ITPR3: variants seen among roughly 807,000 people sequenced by gnomAD.
ITPR3 encodes the protein inositol 1,4,5-trisphosphate receptor type 3.
ITPR3 carries 173 observed loss-of-function variants against 293.2 expected under a neutral mutation model. That is an observed-to-expected ratio of 0.59 (90% CI 0.52 to 0.67). The LOEUF (loss-of-function observed/expected upper bound fraction) is 0.67, where lower values mean the gene tolerates loss of function less well. Ranked by LOEUF, ITPR3 falls within the 30% of genes least tolerant of loss-of-function variation. The pLI is 0.00. For synonymous variants in ITPR3, 1,295 were observed against 1,444.4 expected (o/e 0.90, Z 2.35); for missense variants, 2,796 against 3,592.1 (o/e 0.78, Z 5.66).
In ITPR3 at chr6:33,638,474, C is replaced by T. The variant is rs1763875024; in HGVS notation, c.90-2010C>T. 6.6e-6 allele frequency among the ~76,000 whole-genome samples: 1 copy of T among 152,166 alleles called. No homozygotes were observed. The highest frequency in any genetic ancestry group is 2.4e-5 in the African/African-American group (1 of 41,434). On this transcript the variant is annotated intron_variant, in intron 1 of 57. Coordinates refer to ENST00000605930, the MANE Select transcript of ITPR3 (RefSeq NM_002224.4). The surrounding 1 kb of genome is among the most constrained non-coding windows in gnomAD (Gnocchi z 4.3). ...CTCAGGGGCTTTCCAAAAGTCACCT[C>T]ATTAACATAAAACCAGGTGTGGTTG...
chr6:33,639,358 G>T (rs1287480935), intron 1 of ITPR3, among the ~76,000 whole-genome samples: 2 of 138,692 alleles, frequency 1.4e-5, no homozygotes, highest in Non-Finnish European at 3.0e-5. Flanking sequence ...CAGTCTGGTC[G>T]ACAGAGTGAA....
At position 33,668,610 on chromosome 6, in the gene ITPR3, A is replaced by T. The variant is rs766318905; in HGVS notation, c.1982A>T (p.Asn661Ile). 4 of 1,614,094 alleles carry T rather than the reference A, an allele frequency of 2.5e-6. No homozygotes were observed. The highest frequency in any genetic ancestry group is 3.4e-6 in the Non-Finnish European group (4 of 1,180,042). Residue 661 changes from asparagine to isoleucine, a missense_variant, in exon 17 of 58, where the codon AAC (asparagine) becomes ATC (isoleucine). Physicochemically the swap from Asn to Ile is moderately radical, Grantham distance 149. Around this residue, in one of 8 missense-constraint regions of ITPR3, gnomAD observed 955 missense variants for 1,180.8 expected, o/e 0.81. Coordinates refer to ENST00000605930, the MANE Select transcript of ITPR3 (RefSeq NM_002224.4). ...TGCAAGTGTGTGCTGGACCCCAAGA[A>T]CAGTGACATTCTCATCCGGACCGAG... ...LICKCVLDPK[N>I]SDILIRTELR...
In ITPR3 at chr6:33,658,737, A is replaced by G; in HGVS notation, c.437A>G (p.Asn146Ser). 5 of 1,614,192 alleles carry G rather than the reference A, an allele frequency of 3.1e-6. No homozygotes were observed. The highest frequency in any genetic ancestry group is 4.2e-6 in the Non-Finnish European group (5 of 1,180,022). ...CGGCTTCCGGCCTTGCTGGAGAAGA[A>G]CGCCATGCGGGTGACTCTGGATGCC... ...NKRLPALLEKNAMRVTLDATG... is the reference protein window; with the variant it reads ...NKRLPALLEKSAMRVTLDATG... The change falls in exon 5 of 58, where the codon AAC becomes AGC. Residue 146 changes from asparagine to serine, a missense_variant. This residue lies in a region of ITPR3 where 144 missense variants were observed against 230.8 expected (regional missense o/e 0.62). Transcript: ENST00000605930. This position sits in a 1 kb window ranked among gnomAD's most constrained non-coding sequence, Gnocchi z 6.1.
intron 1 of ITPR3, among the ~76,000 whole-genome samples, chr6:33,631,332 T>G (rs779255720): frequency 1.1e-4 from 16 of 152,252 alleles, no homozygotes; most frequent in Non-Finnish European, 2.4e-4. Context: ...CACTGATATT[T>G]ATTGCATACA....
intron 9 of ITPR3, 66 bp downstream of exon 9, chr6:33,663,072 T>C (rs1764517148): frequency 2.2e-6 from 3 of 1,337,088 alleles, no homozygotes; most frequent in South Asian, 1.3e-5. Context: ...TGCGGGAACA[T>C]GTGTGCACAT....
In ITPR3 at chr6:33,621,550, G is replaced by A. The variant is rs1763436440; in HGVS notation, c.-53G>A. On this transcript the variant is annotated 5_prime_UTR_variant, in exon 1 of 58. Transcript: ENST00000605930. This position sits in a 1 kb window ranked among gnomAD's most constrained non-coding sequence, Gnocchi z 7.7. ...CGCCTCAGTCCTCCGCACTGAGCTT[G>A]GCCACGCGCCCCTAGGCGCCCCCCA... 5.1e-6 allele frequency: 7 copies of A among 1,376,530 alleles called. No individual in the cohort carries two copies. The highest frequency in any genetic ancestry group is 2.0e-6 in the Non-Finnish European group (2 of 986,476). The allele number at this position is 1,376,530 out of a possible 1,614,324, so 85.3% of individuals were successfully genotyped here.
rs970292259 is a variant in ITPR3, at chr6:33,624,759, C to T, written c.89+3068C>T. On this transcript the variant is annotated intron_variant, in intron 1 of 57. Transcript: ENST00000605930. This position sits in a 1 kb window ranked among gnomAD's most constrained non-coding sequence, Gnocchi z 4.7. ...TGGATAAAAATGAATGTGTTGAAGGCAGGGGTGGCCTTGGTGGGCAGATGG... is the reference window on the plus strand; with the variant it reads ...TGGATAAAAATGAATGTGTTGAAGGTAGGGGTGGCCTTGGTGGGCAGATGG... Among the ~76,000 whole-genome samples, 1 of 152,152 alleles carries T rather than the reference C, an allele frequency of 6.6e-6. No homozygotes were observed. The highest frequency in any genetic ancestry group is 1.5e-5 in the Non-Finnish European group (1 of 68,036).
intron 46 of ITPR3, 32 bp from the exon 47 acceptor site, chr6:33,688,025 G>A: frequency 1.3e-6 from 2 of 1,566,914 alleles, no homozygotes; most frequent in Non-Finnish European, 1.7e-6. Context: ...GTGGAGGCTG[G>A]GGCCTGACCT....
intron 2 of ITPR3, among the ~76,000 whole-genome samples, chr6:33,649,924 T>G (rs1012489874): frequency 1.3e-5 from 2 of 152,164 alleles, no homozygotes; most frequent in Non-Finnish European, 2.9e-5. Flanking sequence ...GCATTTGGAG[T>G]GGTAGGCACC....
Position 33,624,019 on chromosome 6 carries a change from C to G in ITPR3, c.89+2328C>G, listed in dbSNP as rs1419703537. Among the ~76,000 whole-genome samples, 1 of 152,232 alleles carries G rather than the reference C, an allele frequency of 6.6e-6. No individual in the cohort carries two copies. Among genetic ancestry groups the G allele is most frequent in the African/African-American group, 2.4e-5 (1 of 41,464 alleles). ...GCAACCTGTCCCGCGCTCTCAGTCT[C>G]TTTACCTTTGCTCTTGGGTTGTTCC... On this transcript the variant is annotated intron_variant, in intron 1 of 57. Transcript: ENST00000605930. This position sits in a 1 kb window ranked among gnomAD's most constrained non-coding sequence, Gnocchi z 4.7.
chr6:33,631,427 C>T (rs1433742799), intron 1 of ITPR3, among the ~76,000 whole-genome samples: 1 of 152,180 alleles, frequency 6.6e-6, no homozygotes, highest in Admixed American at 6.5e-5. Flanking sequence ...ATAGGCGGCC[C>T]TTCCCTTTTA....
At chr6:33,677,808 C>T (rs1764950639) in intron 28 of ITPR3, among the ~76,000 whole-genome samples, 179 bp downstream of exon 28, 1 of 152,154 alleles carries the variant, frequency 6.6e-6, no homozygotes, top group Admixed American at 6.5e-5. Flanking sequence ...TCGGTTCAAC[C>T]TTTGACCCTC....
In ITPR3 at chr6:33,658,834, G is replaced by A. The variant is rs745765551; in HGVS notation, c.528+6G>A. The A allele has an allele frequency of 3.1e-6, 5 of 1,614,010 alleles. No individual in the cohort carries two copies. Among genetic ancestry groups the A allele is most frequent in the Non-Finnish European group, 3.4e-6 (4 of 1,179,952 alleles). Reference sequence around the variant, plus strand: ...TGCGGAGCAACGGGGACAACGTGAGGGCAGGGCCAGGGTTGGAGGGGCCTG... The same window carrying A: ...TGCGGAGCAACGGGGACAACGTGAGAGCAGGGCCAGGGTTGGAGGGGCCTG... On this transcript the variant is annotated splice_donor_region_variant and intron_variant, in intron 5 of 57. Coordinates refer to ENST00000605930, the MANE Select transcript of ITPR3 (RefSeq NM_002224.4). This position sits in a 1 kb window ranked among gnomAD's most constrained non-coding sequence, Gnocchi z 6.1.
At position 33,691,920 on chromosome 6, in the gene ITPR3, T is replaced by A; in HGVS notation, c.7450T>A (p.Ser2484Thr). 2 of 1,613,936 alleles carry A rather than the reference T, an allele frequency of 1.2e-6. No individual in the cohort carries two copies. Among genetic ancestry groups the A allele is most frequent in the Non-Finnish European group, 1.7e-6 (2 of 1,180,002 alleles). ...GGVGDILRKP[S>T]KDESLFPARV... ...CGTGGGCGACATTCTCCGCAAGCCC[T>A]CCAAAGATGTGAGCACTCCTGCCCA... Residue 2484 changes from serine (S) to threonine (T), a missense_variant, in exon 54 of 58, where the codon TCC (serine) becomes ACC (threonine). Ser to Thr is a moderately conservative substitution (Grantham distance 58). This residue lies in a region of ITPR3 where 568 missense variants were observed against 796.1 expected (regional missense o/e 0.71). Transcript: ENST00000605930. This position sits in a 1 kb window ranked among gnomAD's most constrained non-coding sequence, Gnocchi z 4.9.
In ITPR3 at chr6:33,621,568, GC is replaced by G; in HGVS notation, c.-29del. The G allele has an allele frequency of 6.6e-7, 1 of 1,524,128 alleles. No homozygotes were observed. Among genetic ancestry groups the G allele is most frequent in the Non-Finnish European group, 8.9e-7 (1 of 1,117,920 alleles). 94.4% of individuals were successfully genotyped at this position (1,524,128 alleles called of 1,614,324 possible). A position where few individuals can be genotyped will look rare whatever the true frequency, so the allele number is the denominator to read the frequency against. The stretch of plus-strand genomic sequence containing the variant: ...TGAGCTTGGCCACGCGCCCCTAGGC[GC>G]CCCCCACGCCCTGGGCCCCGGAGGG... On this transcript the variant is annotated 5_prime_UTR_variant, in exon 1 of 58. Transcript: ENST00000605930. The surrounding 1 kb of genome is among the most constrained non-coding windows in gnomAD (Gnocchi z 7.7).
Position 33,682,491 on chromosome 6 carries a change from G to T in ITPR3, c.4477-33G>T. 6.7e-7 allele frequency: 1 copy of T among 1,491,596 alleles called. No homozygotes were observed. The highest frequency in any genetic ancestry group is 1.4e-5 in the South Asian group (1 of 73,232). The allele number at this position is 1,491,596 out of a possible 1,614,324, so 92.4% of individuals were successfully genotyped here. A position where few individuals can be genotyped will look rare whatever the true frequency, so the allele number is the denominator to read the frequency against. Reference sequence around the variant, plus strand: ...TGGGGTTGCCCAGGGTGGGGGCCTGGGCTGCAGCAGCGGGCTCTGTGACTT... The same window carrying T: ...TGGGGTTGCCCAGGGTGGGGGCCTGTGCTGCAGCAGCGGGCTCTGTGACTT... On this transcript the variant is annotated intron_variant, in intron 33 of 57. Coordinates refer to ENST00000605930, the MANE Select transcript of ITPR3 (RefSeq NM_002224.4). This position sits in a 1 kb window ranked among gnomAD's most constrained non-coding sequence, Gnocchi z 5.4.
rs138871299 is a variant in ITPR3 at position 33,684,611 on chromosome 6, G to A, written c.5060G>A (p.Arg1687His). 117 of 1,613,962 alleles carry A rather than the reference G, an allele frequency of 7.2e-5. No homozygotes were observed. Among genetic ancestry groups the A allele is most frequent in the Non-Finnish European group, 8.7e-5 (103 of 1,180,016 alleles). ...TKYGDRGNQL[R>H]KMLLQNYLQN... ...ATCCTCCCCCAGGGCAACCAGCTGC[G>A]CAAGATGCTGCTGCAAAACTACCTC... is the stretch of plus-strand genomic sequence containing the variant. The change falls in exon 38 of 58, where the codon CGC becomes CAC. Residue 1687 changes from arginine (R) to histidine (H), a missense_variant. Arg to His is a conservative substitution (Grantham distance 29). Transcript: ENST00000605930. This position sits in a 1 kb window ranked among gnomAD's most constrained non-coding sequence, Gnocchi z 4.2.
At chr6:33,693,897 A>T (rs1418705008) in intron 56 of ITPR3, among the ~76,000 whole-genome samples, 192 bp downstream of exon 56, 2 of 152,248 alleles carry the variant, frequency 1.3e-5, no homozygotes, top group African/African-American at 2.4e-5. Context: ...TTGAAAGGTC[A>T]GCAGGGCGAG....
chr6:33,689,451 G>A (rs1765332102), intron 50 of ITPR3, 41 bp downstream of exon 50: 1 of 1,596,698 alleles, frequency 6.3e-7, no homozygotes, highest in Non-Finnish European at 8.5e-7. Flanking sequence ...ACAAGCTCAT[G>A]CTCACTGTGC....
Sources: gnomAD v4.1 joint callset for allele counts (sites outside exome capture counted in the v4.1 genomes callset) on GRCh38, gnomAD v4.1.1 for gene constraint, gnomAD v4.1.1 regional missense constraint, Gnocchi (gnomAD v3.1) non-coding constraint, MANE v1.5 for transcripts, NCBI Gene and HGNC (gene_info 2026-07-23, HGNC 2026-07-21) for gene names.